The following TPRG1 variants were observed in gnomAD, a reference collection of about 807,000 sequenced individuals.
The protein encoded by TPRG1 is tumor protein p63-regulated gene 1 protein.
Under a neutral mutation model 29.3 loss-of-function variants are expected in TPRG1, and 29 were observed. That is an observed-to-expected ratio of 0.99 (90% CI 0.74 to 1.35). The LOEUF (loss-of-function observed/expected upper bound fraction) is 1.35, where lower values mean the gene tolerates loss of function less well. TPRG1 is among the 40% of genes most tolerant of loss of function. TPRG1 has a pLI of 0.00. For missense variants in TPRG1, 327 were observed against 335.0 expected (o/e 0.98, Z 0.19); for synonymous variants, 130 against 116.8 (o/e 1.11, Z -0.73).
intron 4 of TPRG1, among the ~76,000 whole-genome samples, chr3:189,259,531 C>T (rs907506254): frequency 3.3e-5 from 4 of 120,544 alleles, no homozygotes; most frequent in African/African-American, 1.3e-4. Context: ...GTAGTGTGAT[C>T]TCGGCTCACT....
intron 3 of TPRG1, among the ~76,000 whole-genome samples, chr3:189,007,671 G>T (rs1712364742): frequency 6.9e-6 from 1 of 144,920 alleles, no homozygotes; most frequent in Non-Finnish European, 1.5e-5. Context: ...TGATAGACTG[G>T]ATTAAGAAAA....
At chr3:189,015,908 C>T (rs1712905981) in intron 3 of TPRG1, among the ~76,000 whole-genome samples, 1 of 152,188 alleles carries the variant, frequency 6.6e-6, no homozygotes, top group Admixed American at 6.5e-5. Context: ...AGAGCCTGTA[C>T]AAAGTCAGTA....
intron 4 of TPRG1, 60 bp downstream of exon 4, chr3:189,238,969 C>T (rs969496247): frequency 6.9e-7 from 1 of 1,452,540 alleles, no homozygotes; most frequent in Non-Finnish European, 9.2e-7. Context: ...GCAGGGAAAA[C>T]AAGCCGAAAA....
At chr3:188,999,058 A>G (rs1287080549) in intron 1 of TPRG1, among the ~76,000 whole-genome samples, 1 of 152,204 alleles carries the variant, frequency 6.6e-6, no homozygotes, top group African/African-American at 2.4e-5. Flanking sequence ...TTATGTATCA[A>G]TAAAAAACAT....
At chr3:189,096,383 C>T (rs181637772), upstream of TPRG1, among the ~76,000 whole-genome samples, 28 of 152,338 alleles carry the variant, frequency 1.8e-4, 1 homozygote, top group Admixed American at 1.6e-3. Context: ...TGGAGCACTT[C>T]ATCTCTCCTC....
chr3:189,123,884 T>C (rs894367547), intron 1 of TPRG1, among the ~76,000 whole-genome samples: 2 of 152,122 alleles, frequency 1.3e-5, no homozygotes, highest in African/African-American at 4.8e-5. Flanking sequence ...CTGGAGTCTC[T>C]CTCGCTCAGA....
intron 1 of TPRG1, among the ~76,000 whole-genome samples, chr3:189,122,344 G>T (rs1480876228): frequency 6.6e-6 from 1 of 152,120 alleles, no homozygotes; most frequent in South Asian, 2.1e-4. Context: ...CTCAATTTTT[G>T]ATTTTCCCAA....
At chr3:189,219,736 T>C in intron 3 of TPRG1, 4 of 1,200,184 alleles carry the variant, frequency 3.3e-6, no homozygotes, top group Non-Finnish European at 4.2e-6. Flanking sequence ...TCCACACACG[T>C]TAGTGTGAAG....
chr3:189,060,589 A>G (rs1332979567), intron 4 of TPRG1, among the ~76,000 whole-genome samples: 3 of 152,312 alleles, frequency 2.0e-5, no homozygotes, highest in Admixed American at 6.5e-5. Flanking sequence ...AATAACTTCA[A>G]TAAAGTTTCA....
At chr3:189,308,237 A>G (rs1721920872) in intron 4 of TPRG1, among the ~76,000 whole-genome samples, 1 of 152,204 alleles carries the variant, frequency 6.6e-6, no homozygotes, top group Admixed American at 6.5e-5. Flanking sequence ...TAGTCACGCA[A>G]TGTTAAGTGT....
At chr3:189,200,724 CTTTA>C (rs2108776976) in intron 1 of TPRG1, among the ~76,000 whole-genome samples, 2 of 152,308 alleles carry the variant, frequency 1.3e-5, no homozygotes, top group South Asian at 4.1e-4. Flanking sequence ...TAATTTCATT[CTTTA>C]TTTAACTAAA....
At chr3:189,261,312 T>C (rs111310020) in intron 4 of TPRG1, among the ~76,000 whole-genome samples, 17 of 152,158 alleles carry the variant, frequency 1.1e-4, no homozygotes, top group Non-Finnish European at 1.9e-4. Flanking sequence ...GAAGCTGGCA[T>C]TTTGTTGTTT....
chr3:189,281,217 T>C (rs1423700845), intron 4 of TPRG1, among the ~76,000 whole-genome samples: 1 of 152,182 alleles, frequency 6.6e-6, no homozygotes, highest in Non-Finnish European at 1.5e-5. Flanking sequence ...AGCTAATAAA[T>C]GGTAAAGCAA....
intron 4 of TPRG1, among the ~76,000 whole-genome samples, chr3:189,093,336 A>G (rs1718462789): frequency 6.6e-6 from 1 of 152,164 alleles, no homozygotes; most frequent in Non-Finnish European, 1.5e-5. Flanking sequence ...CAGGAAGATT[A>G]ATTGAGTAGC....
intron 3 of TPRG1, among the ~76,000 whole-genome samples, chr3:189,019,868 C>G (rs1713195073): frequency 6.7e-6 from 1 of 150,026 alleles, no homozygotes; most frequent in Admixed American, 6.6e-5. Flanking sequence ...GTCCTGGACT[C>G]TTTTTGGTTG....
At chr3:189,087,952 C>G (rs1718069138) in intron 4 of TPRG1, among the ~76,000 whole-genome samples, 1 of 152,134 alleles carries the variant, frequency 6.6e-6, no homozygotes, top group Non-Finnish European at 1.5e-5. Flanking sequence ...ATGCCTCCAG[C>G]TTTGTTCTTT....
intron 3 of TPRG1, among the ~76,000 whole-genome samples, chr3:189,140,543 T>C (rs1036299502): frequency 6.6e-6 from 1 of 152,214 alleles, no homozygotes; most frequent in African/African-American, 2.4e-5. Context: ...TCCTACAATG[T>C]TACCACTATT....
chr3:189,027,657 G>A (rs1713733113), intron 4 of TPRG1, among the ~76,000 whole-genome samples: 1 of 152,054 alleles, frequency 6.6e-6, no homozygotes, highest in African/African-American at 2.4e-5. Flanking sequence ...GCTGCTTGGT[G>A]GATGGTATTT....
intron 4 of TPRG1, among the ~76,000 whole-genome samples, chr3:189,298,858 C>T (rs916130352): frequency 6.6e-6 from 1 of 152,180 alleles, no homozygotes; most frequent in Non-Finnish European, 1.5e-5. Context: ...TGTTCCATTT[C>T]AAATTCCTCC....
Sources: allele counts gnomAD v4.1 joint callset (sites outside exome capture counted in the v4.1 genomes callset), GRCh38; gene constraint gnomAD v4.1.1; transcripts MANE v1.5; gene names NCBI Gene and HGNC (gene_info 2026-07-23, HGNC 2026-07-21).